SLC25A36: variants seen among roughly 807,000 people sequenced by gnomAD.
SLC25A36 encodes epididymis secretory sperm binding protein.
SLC25A36 carries 24 observed loss-of-function variants against 35.3 expected under a neutral mutation model. The observed-to-expected ratio is 0.68, with a 90% CI of 0.49 to 0.96. SLC25A36 has a LOEUF of 0.96. Among genes scored for constraint, SLC25A36 ranks in the 40% least tolerant of loss-of-function variants. The pLI, the probability that SLC25A36 is intolerant of heterozygous loss-of-function variation, is 0.00. For missense variants in SLC25A36, 294 were observed against 381.1 expected, an observed-to-expected ratio of 0.77 and a Z score of 1.90; for synonymous variants, 141 against 132.2, an observed-to-expected ratio of 1.07 and a Z score of -0.46.
At position 140,975,097 on chromosome 3, in the gene SLC25A36, C is replaced by CTTTTTTTTTTTTTTTTTTTTTTTTTTTTT. The variant is rs10662120; in HGVS notation, c.742+1094_742+1122dup. Among the ~76,000 whole-genome samples, 4 of 55,188 alleles carry CTTTTTTTTTTTTTTTTTTTTTTTTTTTTT rather than the reference C, an allele frequency of 7.2e-5. 2 individuals are homozygous for CTTTTTTTTTTTTTTTTTTTTTTTTTTTTT. Among genetic ancestry groups the CTTTTTTTTTTTTTTTTTTTTTTTTTTTTT allele is most frequent in the Non-Finnish European group, 7.1e-5 (2 of 28,236 alleles). The allele number at this position is 55,188 out of a possible 152,430, so 36.2% of individuals were successfully genotyped here. A position where few individuals can be genotyped will look rare whatever the true frequency, so the allele number is the denominator to read the frequency against. Reference sequence around the variant, plus strand: ...GTACAGTTGATAAACAAGATACATTCTTTTTTTTTTTTTTTTTTTTTTTTT... The same window carrying CTTTTTTTTTTTTTTTTTTTTTTTTTTTTT: ...GTACAGTTGATAAACAAGATACATTCTTTTTTTTTTTTTTTTTTTTTTTTTTTTTTTTTTTTTTTTTTTTTTTTTTTTTT... On this transcript the variant is annotated intron_variant, in intron 6 of 6. Transcript: ENST00000324194.
chr3:140,967,737 T>C (rs1283842626), intron 4 of SLC25A36, among the ~76,000 whole-genome samples: 4 of 151,956 alleles, frequency 2.6e-5, no homozygotes, highest in Admixed American at 2.0e-4. Context: ...AGCAAAACTT[T>C]TAAAGTAGCA....
In SLC25A36 at chr3:140,958,454, A is replaced by T. The variant is rs372979913; in HGVS notation, c.207-1009A>T. On this transcript the variant is annotated intron_variant, in intron 2 of 6. Coordinates refer to ENST00000324194, the MANE Select transcript of SLC25A36 (RefSeq NM_001104647.3). ...TTGTTACAATTCTTTTTACCAAAAC[A>T]AAACAGCAAATTTCCCAATGTCAGG... Among the ~76,000 whole-genome samples, 4 of 152,378 alleles carry T rather than the reference A, an allele frequency of 2.6e-5. No homozygotes were observed. In the South Asian group the frequency reaches 6.2e-4, roughly 24 times the overall value.
chr3:140,965,197 CTG>C (rs1934729471), intron 4 of SLC25A36: 1 of 151,820 alleles, frequency 6.6e-6, no homozygotes, highest in African/African-American at 2.4e-5. Flanking sequence ...GTTAGTAAAA[CTG>C]AATGGTCCAA....
chr3:140,965,790 A>G (rs1190350398), intron 4 of SLC25A36: 1 of 151,684 alleles, frequency 6.6e-6, no homozygotes, highest in Admixed American at 6.6e-5. Context: ...TCTCCTACAC[A>G]TGACCTTTGA....
rs765929035 is a variant in SLC25A36, at chr3:140,942,072, G to T, written c.18G>T (p.Thr6=). Residue 6 remains threonine (T), a synonymous_variant, in exon 1 of 7, where the codon ACG becomes ACT. Transcript: ENST00000324194. ...GAGAGAGAATGAGCCAGAGGGACAC[G>T]CTGGTGCATCTGTTTGCCGGAGGGT... The part of the protein sequence containing the change: MSQRD[T]LVHLFAGGCG... 1.3e-6 allele frequency: 2 copies of T among 1,493,536 alleles called. No individual in the cohort carries two copies. Among genetic ancestry groups the T allele is most frequent in the South Asian group, 2.5e-5 (2 of 80,758 alleles). 92.5% of individuals were successfully genotyped at this position (1,493,536 alleles called of 1,614,324 possible).
In SLC25A36 at chr3:140,976,825, C is replaced by T. The variant is rs1027252301; in HGVS notation, c.*372C>T. The stretch of plus-strand genomic sequence containing the variant: ...ACTATCCAAAGATAGTATTGGCAGT[C>T]ATAAATTTATAACTTCTGGCCTTTG... On this transcript the variant is annotated 3_prime_UTR_variant, in exon 7 of 7. Transcript: ENST00000324194. 1 of 157,446 alleles carries T rather than the reference C, an allele frequency of 6.4e-6. No homozygotes were observed. The highest frequency in any genetic ancestry group is 2.4e-5 in the African/African-American group (1 of 41,754). 9.8% of individuals were successfully genotyped at this position (157,446 alleles called of 1,614,324 possible). A position where few individuals can be genotyped will look rare whatever the true frequency, so the allele number is the denominator to read the frequency against.
rs753183990 is a variant in SLC25A36 at position 140,974,018 on chromosome 3, A to G, written c.742+13A>G. On this transcript the variant is annotated intron_variant, in intron 6 of 6. Coordinates refer to ENST00000324194, the MANE Select transcript of SLC25A36 (RefSeq NM_001104647.3). ...GCATATCCACATGGTAAGAAGAGTTATCTATTAAATCAGAAATATTTTCCC... is the reference window on the plus strand; with the variant it reads ...GCATATCCACATGGTAAGAAGAGTTGTCTATTAAATCAGAAATATTTTCCC... 6.7e-7 allele frequency: 1 copy of G among 1,486,752 alleles called. No individual in the cohort carries two copies. Among genetic ancestry groups the G allele is most frequent in the Non-Finnish European group, 9.0e-7 (1 of 1,110,776 alleles). The allele number at this position is 1,486,752 out of a possible 1,614,324, so 92.1% of individuals were successfully genotyped here. A position where few individuals can be genotyped will look rare whatever the true frequency, so the allele number is the denominator to read the frequency against.
At chr3:140,946,148 TATC>T (rs1422250213) in intron 1 of SLC25A36, among the ~76,000 whole-genome samples, 4 of 152,186 alleles carry the variant, frequency 2.6e-5, no homozygotes, top group African/African-American at 9.7e-5. Flanking sequence ...TAGTAATTGT[TATC>T]ATTAACTAGA....
rs1373654625 is a variant in SLC25A36, at chr3:140,977,635, A to C, written c.*1182A>C. ...CATTTGGGTTAAATGTGCTAATAGG[A>C]TGTAGCTTTTAAATTCTGCTATTGA... On this transcript the variant is annotated 3_prime_UTR_variant, in exon 7 of 7. Coordinates refer to ENST00000324194, the MANE Select transcript of SLC25A36 (RefSeq NM_001104647.3). 6.6e-6 allele frequency: 1 copy of C among 152,156 alleles called. No individual in the cohort carries two copies. Among genetic ancestry groups the C allele is most frequent in the Non-Finnish European group, 1.5e-5 (1 of 68,022 alleles). 9.4% of individuals were successfully genotyped at this position (152,156 alleles called of 1,614,324 possible).
intron 4 of SLC25A36, chr3:140,964,395 T>C (rs1280296348): frequency 1.3e-5 from 2 of 151,954 alleles, no homozygotes; most frequent in African/African-American, 4.8e-5. Flanking sequence ...GGGCAAATTA[T>C]GTAATTTATG....
At chr3:140,967,914 C>T (rs1036480037) in intron 4 of SLC25A36, 13 of 889,612 alleles carry the variant, frequency 1.5e-5, no homozygotes, top group Non-Finnish European at 1.7e-5. Context: ...TCACTAGGTG[C>T]TCAGAATCTT....
At chr3:140,949,786 C>G (rs534575797) in intron 1 of SLC25A36, among the ~76,000 whole-genome samples, 1 of 152,274 alleles carries the variant, frequency 6.6e-6, no homozygotes. Context: ...AGAAAGCACA[C>G]AGAACAAACC....
chr3:140,967,884 C>G (rs529661957), intron 4 of SLC25A36: 1 of 656,642 alleles, frequency 1.5e-6, no homozygotes, highest in East Asian at 1.4e-4. Flanking sequence ...CTCATGTCGT[C>G]TTAAGTTCAT....
rs964472608 is a variant in SLC25A36 at position 140,977,199 on chromosome 3, C to T, written c.*746C>T. 6.6e-6 allele frequency: 1 copy of T among 152,118 alleles called. No individual in the cohort carries two copies. Among genetic ancestry groups the T allele is most frequent in the Non-Finnish European group, 1.5e-5 (1 of 68,030 alleles). The allele number at this position is 152,118 out of a possible 1,614,324, so 9.4% of individuals were successfully genotyped here. ...TCGTGTCTTCTCTGATTTTGTGGTACATGAATGAATGCATTTATCTTTTTA... is the reference window on the plus strand; with the variant it reads ...TCGTGTCTTCTCTGATTTTGTGGTATATGAATGAATGCATTTATCTTTTTA... On this transcript the variant is annotated 3_prime_UTR_variant, in exon 7 of 7. Coordinates refer to ENST00000324194, the MANE Select transcript of SLC25A36 (RefSeq NM_001104647.3).
intron 2 of SLC25A36, among the ~76,000 whole-genome samples, chr3:140,958,961 TGTG>T (rs530163368): frequency 4.4e-4 from 4 of 8,996 alleles, no homozygotes; most frequent in African/African-American, 2.2e-3. Context: ...AACAATGTTT[TGTG>T]TGTGTGTGTG....
At chr3:140,966,300 G>T in intron 4 of SLC25A36, 1 of 286,404 alleles carries the variant, frequency 3.5e-6, no homozygotes, top group Non-Finnish European at 7.0e-6. Flanking sequence ...TTGGACAGAT[G>T]TTTTGTGTGT....
intron 4 of SLC25A36, chr3:140,967,894 T>G (rs547964387): frequency 2.6e-6 from 2 of 756,138 alleles, no homozygotes; most frequent in South Asian, 1.2e-4. Flanking sequence ...CTTAAGTTCA[T>G]TTTCATGTTT....
intron 4 of SLC25A36, chr3:140,968,392 C>G: frequency 2.1e-6 from 2 of 932,176 alleles, no homozygotes; most frequent in South Asian, 9.9e-5. Context: ...TGAGCCAGAG[C>G]AACCATAGTA....
rs1934486734 is a variant in SLC25A36 at position 140,956,625 on chromosome 3, A to G, written c.140A>G (p.Gln47Arg). ...GTGACGCTTTATATTTCTGAAGTTC[A>G]GCTGAACACCATGGCTGGAGCCAGT... ...SSVTLYISEVQLNTMAGASVN... is the reference protein window; with the variant it reads ...SSVTLYISEVRLNTMAGASVN... The change falls in exon 2 of 7, where the codon CAG becomes CGG. Residue 47 changes from glutamine to arginine, a missense_variant. Physicochemically the swap from Gln to Arg is conservative, Grantham distance 43. Transcript: ENST00000324194. 1.2e-6 allele frequency: 2 copies of G among 1,613,688 alleles called. No homozygotes were observed. The highest frequency in any genetic ancestry group is 2.2e-5 in the South Asian group (2 of 91,076).
Sources: gnomAD v4.1 joint callset for allele counts (sites outside exome capture counted in the v4.1 genomes callset) on GRCh38, gnomAD v4.1.1 for gene constraint, MANE v1.5 for transcripts, NCBI Gene and HGNC (gene_info 2026-07-23, HGNC 2026-07-21) for gene names.